SNX29: variants seen among roughly 807,000 people sequenced by gnomAD.
SNX29 encodes sorting nexin 29, also known as sorting nexin-29.
A neutral mutation model predicts 102.1 loss-of-function variants in SNX29; 78 were observed. That is an observed-to-expected ratio of 0.76 (90% CI 0.64 to 0.92). The LOEUF (loss-of-function observed/expected upper bound fraction) is 0.92, where lower values mean the gene tolerates loss of function less well. Ranked by LOEUF, SNX29 falls within the 40% of genes least tolerant of loss-of-function variation. SNX29 has a pLI of 0.00. For missense variants in SNX29, 1,280 were observed against 1,061.7 expected (o/e 1.21, Z -2.86); for synonymous variants, 580 against 414.5 (o/e 1.40, Z -4.85).
chr16:12,189,920 C>T (rs576481679), intron 13 of SNX29, among the ~76,000 whole-genome samples: 1 of 152,228 alleles, frequency 6.6e-6, no homozygotes, highest in East Asian at 1.9e-4. Context: ...ACATTGATGT[C>T]TTTAATCCCA....
intron 1 of SNX29, among the ~76,000 whole-genome samples, chr16:11,997,210 G>C (rs1307208640): frequency 1.3e-5 from 2 of 151,958 alleles, no homozygotes; most frequent in East Asian, 3.9e-4. Context: ...CTTCCTTCTG[G>C]TCCTGGAAGA....
intron 8 of SNX29, among the ~76,000 whole-genome samples, chr16:12,054,563 G>C (rs2050441800): frequency 6.6e-6 from 1 of 152,248 alleles, no homozygotes; most frequent in Non-Finnish European, 1.5e-5. Context: ...GCTTCAGCTG[G>C]AACATGGCTT....
chr16:12,201,072 G>A (rs1024890955), intron 14 of SNX29, among the ~76,000 whole-genome samples: 4 of 152,086 alleles, frequency 2.6e-5, no homozygotes, highest in Non-Finnish European at 5.9e-5. Context: ...ATTTCTTTTG[G>A]TTACTGTTTG....
intron 10 of SNX29, among the ~76,000 whole-genome samples, chr16:12,071,963 C>A: frequency 1.3e-5 from 2 of 152,080 alleles, no homozygotes; most frequent in Non-Finnish European, 2.9e-5. Context: ...CATGATTTGG[C>A]TGTTTGTCTG....
intron 8 of SNX29, among the ~76,000 whole-genome samples, chr16:12,056,961 A>G (rs2050546761): frequency 1.5e-5 from 1 of 65,958 alleles, no homozygotes; most frequent in South Asian, 3.4e-4. Flanking sequence ...AGCTAGGACT[A>G]TAGGTACATG....
rs754617266 is a variant in SNX29 at position 12,098,621 on chromosome 16, CT to C, written c.1402+19707del. On this transcript the variant is annotated intron_variant, in intron 11 of 20. Coordinates refer to ENST00000566228, the MANE Select transcript of SNX29 (RefSeq NM_032167.5). This position sits in a 1 kb window ranked among gnomAD's most constrained non-coding sequence, Gnocchi z 6.0. ...CTTCCGTCTGCCGGGACACCCTCCC[CT>C]CTCCTCCTCTTTTGCCTGGGTCGTG... 6.6e-6 allele frequency among the ~76,000 whole-genome samples: 1 copy of C among 152,260 alleles called. No individual in the cohort carries two copies. Among genetic ancestry groups the C allele is most frequent in the South Asian group, 2.1e-4 (1 of 4,834 alleles).
intron 14 of SNX29, among the ~76,000 whole-genome samples, chr16:12,207,243 C>T (rs1415064637): frequency 6.6e-6 from 1 of 152,108 alleles, no homozygotes; most frequent in East Asian, 1.9e-4. Flanking sequence ...GTGGCAGGCG[C>T]CTGTAATCCT....
rs1030167134 is a variant in SNX29 at position 12,421,957 on chromosome 16, A to G, written c.2037+18428A>G. Among the ~76,000 whole-genome samples, 24 of 151,462 alleles carry G rather than the reference A, an allele frequency of 1.6e-4. 1 individual carries two copies. The highest frequency in any genetic ancestry group is 1.3e-3 in the South Asian group (6 of 4,774). ...CGTCCATCATCCATCACCATCATCA[A>G]CCACCCATCACAGGCATCATCTATC... On this transcript the variant is annotated intron_variant, in intron 18 of 20. Coordinates refer to ENST00000566228, the MANE Select transcript of SNX29 (RefSeq NM_032167.5).
At chr16:12,155,056 A>G (rs971178652) in intron 13 of SNX29, among the ~76,000 whole-genome samples, 10 of 151,566 alleles carry the variant, frequency 6.6e-5, no homozygotes, top group Non-Finnish European at 1.2e-4. Flanking sequence ...TCTGCCTCCC[A>G]CCCCCCTTGC....
chr16:12,163,002 C>T (rs964108555), intron 13 of SNX29, among the ~76,000 whole-genome samples: 2 of 152,164 alleles, frequency 1.3e-5, no homozygotes, highest in Non-Finnish European at 2.9e-5. Flanking sequence ...TCACCTCAGC[C>T]TCCCAAGTAG....
At chr16:12,480,874 T>A (rs2087874021) in intron 19 of SNX29, among the ~76,000 whole-genome samples, 1 of 152,062 alleles carries the variant, frequency 6.6e-6, no homozygotes, top group African/African-American at 2.4e-5. Context: ...GTTTTGTTGT[T>A]GTTGTTTGTT....
At chr16:12,027,178 G>A in intron 3 of SNX29, 142 bp from the exon 4 acceptor site, 1 of 946,190 alleles carries the variant, frequency 1.1e-6, no homozygotes, top group Non-Finnish European at 1.6e-6. Context: ...CAGTTACCAA[G>A]CCTGCACATC....
chr16:12,571,935 C>G lies in SNX29; in HGVS notation c.*3306C>G. On this transcript the variant is annotated 3_prime_UTR_variant, in exon 21 of 21. Coordinates refer to ENST00000566228, the MANE Select transcript of SNX29 (RefSeq NM_032167.5). ...ACTGGCAGGCCCTGGTGAAGGAAGA[C>G]ACTTTCAGGGAAGAGGCTCTTACAG... 1 of 1,062,236 alleles carries G rather than the reference C, an allele frequency of 9.4e-7. No homozygotes were observed. Among genetic ancestry groups the G allele is most frequent in the Non-Finnish European group, 1.1e-6 (1 of 877,308 alleles). The allele number at this position is 1,062,236 out of a possible 1,614,324, so 65.8% of individuals were successfully genotyped here.
intron 14 of SNX29, among the ~76,000 whole-genome samples, chr16:12,223,026 T>C (rs2077518652): frequency 6.6e-6 from 1 of 152,224 alleles, no homozygotes; most frequent in Non-Finnish European, 1.5e-5. Flanking sequence ...CTTTGGATTC[T>C]AAATTTGGGA....
intron 11 of SNX29, among the ~76,000 whole-genome samples, chr16:12,110,408 T>G (rs1166629709): frequency 6.6e-6 from 1 of 152,124 alleles, no homozygotes; most frequent in Non-Finnish European, 1.5e-5. Context: ...TTTTTCCTTT[T>G]CTCCAGGTGA....
chr16:12,108,196 T>A (rs114980424), intron 11 of SNX29, among the ~76,000 whole-genome samples: 2 of 152,200 alleles, frequency 1.3e-5, no homozygotes, highest in African/African-American at 4.8e-5. Context: ...AAGTTGACTT[T>A]TACTAGCCTT....
chr16:12,232,159 T>G (rs2077789024), intron 14 of SNX29, among the ~76,000 whole-genome samples: 1 of 152,174 alleles, frequency 6.6e-6, no homozygotes, highest in African/African-American at 2.4e-5. Flanking sequence ...CAAGTCTGTT[T>G]GAGGATACTT....
chr16:12,487,984 T>A (rs1046742513), intron 19 of SNX29, among the ~76,000 whole-genome samples: 1 of 152,126 alleles, frequency 6.6e-6, no homozygotes, highest in Non-Finnish European at 1.5e-5. Context: ...ACCACTAACG[T>A]CATCTTGCCA....
At chr16:12,376,913 G>A (rs2151406041) in intron 16 of SNX29, among the ~76,000 whole-genome samples, 2 of 152,120 alleles carry the variant, frequency 1.3e-5, no homozygotes, top group Admixed American at 1.3e-4. Context: ...TGTCTTGAGG[G>A]TTGGTTTGGG....
Sources: allele counts gnomAD v4.1 joint callset (sites outside exome capture counted in the v4.1 genomes callset), GRCh38; gene constraint gnomAD v4.1.1; non-coding constraint Gnocchi (gnomAD v3.1); transcripts MANE v1.5; gene names NCBI Gene and HGNC (gene_info 2026-07-23, HGNC 2026-07-21).